PTPRG: variants seen among roughly 807,000 people sequenced by gnomAD.
PTPRG encodes the protein protein tyrosine phosphatase receptor type G, also known as receptor-type tyrosine-protein phosphatase gamma.
Under a neutral mutation model 165.3 loss-of-function variants are expected in PTPRG, and 102 were observed. That is an observed-to-expected ratio of 0.62 (90% CI 0.53 to 0.73). The LOEUF is 0.73. PTPRG is among the 30% of genes least tolerant of loss of function. PTPRG has a pLI of 0.00. For missense variants in PTPRG, 1,866 were observed against 1,861.4 expected, an observed-to-expected ratio of 1.00 and a Z score of -0.05; for synonymous variants, 675 against 669.5, an observed-to-expected ratio of 1.01 and a Z score of -0.13.
chr3:61,960,453 A>G (rs2040124938), intron 2 of PTPRG, among the ~76,000 whole-genome samples: 1 of 152,110 alleles, frequency 6.6e-6, no homozygotes, highest in African/African-American at 2.4e-5. Flanking sequence ...ATAATCATTT[A>G]GCTTTTGGGG....
chr3:61,955,763 T>C (rs1048640831), intron 2 of PTPRG, among the ~76,000 whole-genome samples: 2 of 152,224 alleles, frequency 1.3e-5, no homozygotes, highest in South Asian at 4.1e-4. Context: ...ACTGAAATAA[T>C]AGCATTCGTA....
intron 1 of PTPRG, among the ~76,000 whole-genome samples, chr3:61,572,833 A>C (rs1700087923): frequency 6.6e-6 from 1 of 152,204 alleles, no homozygotes; most frequent in Non-Finnish European, 1.5e-5. Flanking sequence ...GGTTATTTAC[A>C]ATACTCAGCT....
At chr3:61,709,935 T>A (rs1167314170) in intron 1 of PTPRG, among the ~76,000 whole-genome samples, 1 of 152,134 alleles carries the variant, frequency 6.6e-6, no homozygotes, top group African/African-American at 2.4e-5. Context: ...GGTTGGAGCC[T>A]GAGAATTGGC....
At chr3:61,674,927 C>T (rs547185910) in intron 1 of PTPRG, among the ~76,000 whole-genome samples, 2 of 152,182 alleles carry the variant, frequency 1.3e-5, no homozygotes, top group South Asian at 4.2e-4. Flanking sequence ...ATTTTAAATC[C>T]CCAAATCCAA....
intron 18 of PTPRG, 66 bp downstream of exon 18, chr3:62,267,558 T>C: frequency 2.0e-6 from 3 of 1,532,010 alleles, no homozygotes; most frequent in Non-Finnish European, 2.7e-6. Context: ...AACTGTTTAA[T>C]ATATTTTAAT....
chr3:61,634,521 G>A (rs1428700744), intron 1 of PTPRG, among the ~76,000 whole-genome samples: 1 of 150,776 alleles, frequency 6.6e-6, no homozygotes, highest in Non-Finnish European at 1.5e-5. Context: ...ACAGGCGCGT[G>A]AGCCACCGTG....
At chr3:61,710,992 A>C (rs1251962404) in intron 1 of PTPRG, among the ~76,000 whole-genome samples, 9 of 151,064 alleles carry the variant, frequency 6.0e-5, no homozygotes, top group Non-Finnish European at 2.9e-5. Context: ...TCACTGTTCA[A>C]CTCCCACTTA....
chr3:62,034,410 G>C, intron 4 of PTPRG, among the ~76,000 whole-genome samples: 1 of 152,182 alleles, frequency 6.6e-6, no homozygotes, highest in Non-Finnish European at 1.5e-5. Flanking sequence ...TACCAGCCTT[G>C]GGTCACTCAG....
chr3:62,281,521 T>A, intron 26 of PTPRG, 42 bp from the exon 27 acceptor site: 1 of 1,408,546 alleles, frequency 7.1e-7, no homozygotes. Context: ...AACAAATCCT[T>A]GACAGAACTG....
chr3:62,243,466 C>T lies in PTPRG; in HGVS notation c.2376-341C>T, dbSNP rs545093096. 14 of 165,850 alleles carry T rather than the reference C, an allele frequency of 8.4e-5. No individual in the cohort carries two copies. In the East Asian group the frequency reaches 1.7e-3, roughly 20 times the overall value. The allele number at this position is 165,850 out of a possible 1,614,324, so 10.3% of individuals were successfully genotyped here. ...AGAATAGCAAATTATTCCTCTGTAA[C>T]GTACCAAATTTAGAAATATTGTGAG... is the stretch of plus-strand genomic sequence containing the variant. On this transcript the variant is annotated intron_variant, in intron 14 of 29. Coordinates refer to ENST00000474889, the MANE Select transcript of PTPRG (RefSeq NM_002841.4).
chr3:61,859,432 G>C (rs2037198940), intron 2 of PTPRG, among the ~76,000 whole-genome samples: 1 of 152,024 alleles, frequency 6.6e-6, no homozygotes, highest in African/African-American at 2.4e-5. Flanking sequence ...TAAAATCATG[G>C]AATATCACCA....
At chr3:61,693,035 G>A (rs541284107) in intron 1 of PTPRG, among the ~76,000 whole-genome samples, 2 of 151,992 alleles carry the variant, frequency 1.3e-5, no homozygotes, top group Admixed American at 6.5e-5. Context: ...ATGAAACTAA[G>A]AACTTTATTA....
In PTPRG at chr3:62,245,259, A is replaced by G. The variant is rs1431018938; in HGVS notation, c.2467+1361A>G. 1.3e-5 allele frequency among the ~76,000 whole-genome samples: 2 copies of G among 152,228 alleles called. No homozygotes were observed. Among genetic ancestry groups the G allele is most frequent in the Non-Finnish European group, 2.9e-5 (2 of 68,034 alleles). On this transcript the variant is annotated intron_variant, in intron 15 of 29. Transcript: ENST00000474889. The surrounding 1 kb of genome is among the most constrained non-coding windows in gnomAD (Gnocchi z 4.2). ...AGGAGACTACTTTTCCTTTGAGAGT[A>G]GAGAAGGTAGACAGGAATCATCAGT...
chr3:61,685,211 G>A (rs531418485), intron 1 of PTPRG, among the ~76,000 whole-genome samples: 2 of 152,238 alleles, frequency 1.3e-5, no homozygotes, highest in Non-Finnish European at 1.5e-5. Context: ...ATCAGTGGAG[G>A]CAGGAAGAGT....
At chr3:62,117,699 T>C (rs780240061) in intron 5 of PTPRG, among the ~76,000 whole-genome samples, 2 of 152,212 alleles carry the variant, frequency 1.3e-5, no homozygotes, top group Non-Finnish European at 2.9e-5. Flanking sequence ...CTGGTTAACA[T>C]AGTATTAATA....
At chr3:62,243,441 A>G in intron 14 of PTPRG, 1 of 158,316 alleles carries the variant, frequency 6.3e-6, no homozygotes, top group Non-Finnish European at 1.4e-5. Flanking sequence ...CTGGGGATTT[A>G]GAATAGCAAA....
At chr3:61,855,122 C>T (rs2037064276) in intron 2 of PTPRG, among the ~76,000 whole-genome samples, 1 of 152,098 alleles carries the variant, frequency 6.6e-6, no homozygotes, top group Admixed American at 6.6e-5. Flanking sequence ...CTGTTTTGTT[C>T]CCAGCCTTGT....
chr3:62,149,394 C>T (rs1018505750), intron 6 of PTPRG, among the ~76,000 whole-genome samples: 5 of 151,818 alleles, frequency 3.3e-5, no homozygotes, highest in Admixed American at 3.3e-4. Context: ...CTGCCCCAGC[C>T]TCCCAACAAG....
intron 2 of PTPRG, among the ~76,000 whole-genome samples, chr3:61,961,396 G>A (rs947388690): frequency 6.6e-6 from 1 of 152,140 alleles, no homozygotes; most frequent in African/African-American, 2.4e-5. Flanking sequence ...GGACACACAG[G>A]CATCTTAAAA....
Sources: allele counts gnomAD v4.1 joint callset (sites outside exome capture counted in the v4.1 genomes callset), GRCh38; gene constraint gnomAD v4.1.1; non-coding constraint Gnocchi (gnomAD v3.1); transcripts MANE v1.5; gene names NCBI Gene and HGNC (gene_info 2026-07-23, HGNC 2026-07-21).